MTNR1A: variants seen among roughly 807,000 people sequenced by gnomAD.
MTNR1A encodes the protein melatonin receptor 1A, also known as melatonin receptor type 1A.
Under a neutral mutation model 5.5 loss-of-function variants are expected in MTNR1A, and 7 were observed. That is an observed-to-expected ratio of 1.28 (90% CI 0.73 to 2.40). MTNR1A has a LOEUF of 2.40. MTNR1A is among the 30% of genes most tolerant of loss of function. The pLI, the probability that MTNR1A is intolerant of heterozygous loss-of-function variation, is 0.00. For synonymous variants in MTNR1A, 196 were observed against 202.7 expected (o/e 0.97, Z 0.28); for missense variants, 441 against 464.4 (o/e 0.95, Z 0.46).
At chr4:186,544,051 C>G (rs530268949) in intron 1 of MTNR1A, among the ~76,000 whole-genome samples, 1 of 152,096 alleles carries the variant, frequency 6.6e-6, no homozygotes, top group Admixed American at 6.6e-5. Flanking sequence ...GCTCTGTCAC[C>G]AGGCTGGAAT....
At chr4:186,553,820 T>C (rs1479918817) in intron 1 of MTNR1A, among the ~76,000 whole-genome samples, 1 of 150,916 alleles carries the variant, frequency 6.6e-6, no homozygotes, top group Non-Finnish European at 1.5e-5. Context: ...CCGTGAACAC[T>C]TTTTAAAGGT....
chr4:186,534,948 C>G (rs745824283), intron 1 of MTNR1A, among the ~76,000 whole-genome samples: 6 of 152,210 alleles, frequency 3.9e-5, no homozygotes, highest in Non-Finnish European at 8.8e-5. Context: ...AAGTTCAAGT[C>G]TTCATTCCCT....
chr4:186,550,099 G>A (rs1737237217), intron 1 of MTNR1A, among the ~76,000 whole-genome samples: 1 of 152,160 alleles, frequency 6.6e-6, no homozygotes, highest in Non-Finnish European at 1.5e-5. Context: ...AGAGAATCCA[G>A]CAGTTTATTT....
intron 1 of MTNR1A, among the ~76,000 whole-genome samples, chr4:186,539,872 ACT>A (rs1168372339): frequency 4.6e-5 from 7 of 152,330 alleles, no homozygotes; most frequent in African/African-American, 1.7e-4. Flanking sequence ...ATCAGCAGGG[ACT>A]GACTCCAGGA....
At chr4:186,538,493 T>C (rs1478454301) in intron 1 of MTNR1A, among the ~76,000 whole-genome samples, 1 of 152,082 alleles carries the variant, frequency 6.6e-6, no homozygotes, top group Non-Finnish European at 1.5e-5. Flanking sequence ...GTGACGGCAG[T>C]GTGCTCACAG....
chr4:186,548,311 A>G (rs368399553), intron 1 of MTNR1A, among the ~76,000 whole-genome samples: 3 of 152,224 alleles, frequency 2.0e-5, no homozygotes, highest in African/African-American at 7.2e-5. Context: ...TATATATGAA[A>G]GTTAAATCAA....
chr4:186,551,914 ATAC>A (rs1737273869), intron 1 of MTNR1A, among the ~76,000 whole-genome samples: 1 of 152,212 alleles, frequency 6.6e-6, no homozygotes, highest in Non-Finnish European at 1.5e-5. Context: ...TTAAAAACAT[ATAC>A]TGACAAGTTT....
Position 186,534,048 on chromosome 4 carries a change from G to C in MTNR1A, c.694C>G (p.Gln232Glu). The change falls in exon 2 of 2, where the codon CAG (glutamine) becomes GAG (glutamate). Residue 232 changes from glutamine to glutamate, a missense_variant. Physicochemically the swap from Gln to Glu is conservative, Grantham distance 29. Coordinates refer to ENST00000307161, the MANE Select transcript of MTNR1A (RefSeq NM_005958.4). ...ATGGTGACAAAATTCCTGAAGTCCT[G>C]TGGTTTCAGTTTGGGTTTGCGGTCA... ...KPDRKPKLKPQDFRNFVTMFV... is the reference protein window; with the variant it reads ...KPDRKPKLKPEDFRNFVTMFV... 1 of 1,614,086 alleles carries C rather than the reference G, an allele frequency of 6.2e-7. No homozygotes were observed. The highest frequency in any genetic ancestry group is 8.5e-7 in the Non-Finnish European group (1 of 1,180,026).
intron 1 of MTNR1A, among the ~76,000 whole-genome samples, chr4:186,538,339 C>A (rs574683266): frequency 1.3e-5 from 2 of 152,326 alleles, no homozygotes; most frequent in East Asian, 3.9e-4. Context: ...GGTTAGTGTT[C>A]CCCACAAGAG....
chr4:186,540,193 C>T (rs1223919275), intron 1 of MTNR1A, among the ~76,000 whole-genome samples: 1 of 152,164 alleles, frequency 6.6e-6, no homozygotes, highest in Admixed American at 6.5e-5. Context: ...ATTCAATTAC[C>T]TCCCACCAGG....
chr4:186,550,288 C>T lies in MTNR1A; in HGVS notation c.184+4894G>A, dbSNP rs1296104840. On this transcript the variant is annotated intron_variant, in intron 1 of 1. Transcript: ENST00000307161. Reference sequence around the variant, plus strand: ...AGAGTTCTGTGCATTCATAAAAACGCTTCTTTAACAACAATCCACTAATTG... The same window carrying T: ...AGAGTTCTGTGCATTCATAAAAACGTTTCTTTAACAACAATCCACTAATTG... Among the ~76,000 whole-genome samples the T allele has an allele frequency of 2.0e-5, 3 of 152,160 alleles. 1 individual carries two copies. Among genetic ancestry groups the T allele is most frequent in the Admixed American group, 1.3e-4 (2 of 15,274 alleles).
At chr4:186,546,357 T>G (rs1384876346) in intron 1 of MTNR1A, among the ~76,000 whole-genome samples, 1 of 151,366 alleles carries the variant, frequency 6.6e-6, no homozygotes. Context: ...TCGGCCTCAC[T>G]GCTCCCCTCC....
intron 1 of MTNR1A, among the ~76,000 whole-genome samples, chr4:186,544,859 G>A (rs1737107520): frequency 6.6e-6 from 1 of 152,172 alleles, no homozygotes; most frequent in African/African-American, 2.4e-5. Context: ...AGTTCTGGGA[G>A]CCTTCATTTG....
rs1736787617 is a variant in MTNR1A, at chr4:186,534,313, G to T, written c.429C>A (p.Asn143Lys). ...LKYDKLYSSK[N>K]SLCYVLLIWL... ...ATATGAGGAGCACGTAGCAGAGGGAGTTCTTGCTGCTGTACAGTTTGTCGT... is the reference window on the plus strand; with the variant it reads ...ATATGAGGAGCACGTAGCAGAGGGATTTCTTGCTGCTGTACAGTTTGTCGT... The change falls in exon 2 of 2, where the codon AAC becomes AAA. Residue 143 changes from asparagine (N) to lysine (K), a missense_variant. Asn to Lys is a moderately conservative substitution (Grantham distance 94). Transcript: ENST00000307161. The T allele has an allele frequency of 1.2e-6, 2 of 1,614,158 alleles. No homozygotes were observed. Among genetic ancestry groups the T allele is most frequent in the East Asian group, 4.5e-5 (2 of 44,862 alleles).
In MTNR1A at chr4:186,533,751, C is replaced by A. The variant is rs546670468; in HGVS notation, c.991G>T (p.Val331Phe). 333 of 1,614,216 alleles carry A rather than the reference C, an allele frequency of 2.1e-4. 1 individual carries two copies. In the South Asian group the frequency reaches 3.4e-3, roughly 17 times the overall value. The change falls in exon 2 of 2, where the codon GTT (valine) becomes TTT (phenylalanine). Residue 331 changes from valine to phenylalanine, a missense_variant. Val to Phe is a conservative substitution (Grantham distance 50). Transcript: ENST00000307161. ...VDSSNDVADRVKWKPSPLMTN... is the reference protein window; with the variant it reads ...VDSSNDVADRFKWKPSPLMTN... ...ATCAGTGGAGACGGTTTCCATTTAA[C>A]CCTATCGGCCACGTCGTTAGAGCTG...
chr4:186,536,312 C>T (rs1445632898), intron 1 of MTNR1A, among the ~76,000 whole-genome samples: 5 of 151,048 alleles, frequency 3.3e-5, no homozygotes, highest in African/African-American at 1.2e-4. Context: ...CGCCATTGCA[C>T]TCCAGCCTGG....
chr4:186,540,163 G>T (rs563053485), intron 1 of MTNR1A, among the ~76,000 whole-genome samples: 1 of 152,242 alleles, frequency 6.6e-6, no homozygotes, highest in South Asian at 2.1e-4. Flanking sequence ...AGAACAGCAT[G>T]GGAAAGACCT....
At chr4:186,534,974 A>C (rs1267628209) in intron 1 of MTNR1A, among the ~76,000 whole-genome samples, 1 of 152,160 alleles carries the variant, frequency 6.6e-6, no homozygotes, top group Non-Finnish European at 1.5e-5. Context: ...GTGCTTCAGC[A>C]GCTCTCAGGG....
At position 186,555,150 on chromosome 4, in the gene MTNR1A, C is replaced by G; in HGVS notation, c.184+32G>C. On this transcript the variant is annotated intron_variant, in intron 1 of 1. Transcript: ENST00000307161. The surrounding 1 kb of genome is among the most constrained non-coding windows in gnomAD (Gnocchi z 4.1). ...CCGCGGAGAGGCGCTGCGTCCGGAG[C>G]GCTGGCCCAGGGGAGGCGGCGCGGG... is the stretch of plus-strand genomic sequence containing the variant. 2 of 1,574,308 alleles carry G rather than the reference C, an allele frequency of 1.3e-6. No individual in the cohort carries two copies. Among genetic ancestry groups the G allele is most frequent in the Non-Finnish European group, 1.7e-6 (2 of 1,159,814 alleles).
Sources: allele counts gnomAD v4.1 joint callset (sites outside exome capture counted in the v4.1 genomes callset), GRCh38; gene constraint gnomAD v4.1.1; non-coding constraint Gnocchi (gnomAD v3.1); transcripts MANE v1.5; gene names NCBI Gene and HGNC (gene_info 2026-07-23, HGNC 2026-07-21).